Variants in DFFB observed in about 807,000 individuals in gnomAD.
The protein encoded by DFFB is DNA fragmentation factor subunit beta.
A neutral mutation model predicts 32.7 loss-of-function variants in DFFB; 29 were observed. That is an observed-to-expected ratio of 0.89 (90% CI 0.66 to 1.21). The LOEUF (loss-of-function observed/expected upper bound fraction) is 1.21. DFFB is among the 50% of genes most tolerant of loss of function. The pLI, the probability that DFFB is intolerant of heterozygous loss-of-function variation, is 0.00. For missense variants in DFFB, 398 were observed against 440.6 expected (o/e 0.90, Z 0.87); for synonymous variants, 170 against 177.1 (o/e 0.96, Z 0.32).
At position 3,883,748 on chromosome 1, in the gene DFFB, C is replaced by T. The variant is rs375303772; in HGVS notation, c.*7C>T. Reference sequence around the variant, plus strand: ...TGTGCGGAAACGCCAGTGACACGTACACACCACGTCCTGGTCTTTGTTTGA... The same window carrying T: ...TGTGCGGAAACGCCAGTGACACGTATACACCACGTCCTGGTCTTTGTTTGA... On this transcript the variant is annotated 3_prime_UTR_variant, in exon 7 of 7. Coordinates refer to ENST00000378209, the MANE Select transcript of DFFB (RefSeq NM_004402.4). The T allele has an allele frequency of 2.5e-6, 4 of 1,611,626 alleles. No homozygotes were observed. Among genetic ancestry groups the T allele is most frequent in the Non-Finnish European group, 3.4e-6 (4 of 1,177,888 alleles).
chr1:3,873,061 C>T (rs908303996), intron 6 of DFFB: 2 of 1,098,286 alleles, frequency 1.8e-6, no homozygotes, highest in Middle Eastern at 3.2e-4. Context: ...GTGGCAGGAT[C>T]ATGGCTCACT....
chr1:3,880,474 C>T lies in DFFB; in HGVS notation c.783-3033C>T, dbSNP rs183479354. Among the ~76,000 whole-genome samples, 33 of 152,336 alleles carry T rather than the reference C, an allele frequency of 2.2e-4. No individual in the cohort carries two copies. The East Asian group carries it at 6.4e-3, about 29-fold the overall frequency. On this transcript the variant is annotated intron_variant, in intron 6 of 6. Coordinates refer to ENST00000378209, the MANE Select transcript of DFFB (RefSeq NM_004402.4). Reference sequence around the variant, plus strand: ...AGGTGGTCTCAGGGACCCCTCCCTGCTGTAGTTGGTGTCAGGAGTGAGGGT... The same window carrying T: ...AGGTGGTCTCAGGGACCCCTCCCTGTTGTAGTTGGTGTCAGGAGTGAGGGT...
chr1:3,878,209 T>G (rs1002329449), intron 6 of DFFB, among the ~76,000 whole-genome samples: 1 of 151,506 alleles, frequency 6.6e-6, no homozygotes, highest in Non-Finnish European at 1.5e-5. Context: ...TGGAGTCCAG[T>G]GGCGCAATCT....
Position 3,865,505 on chromosome 1 carries a change from A to G in DFFB, c.242-307A>G, listed in dbSNP as rs2124734892. 1 of 524,686 alleles carries G rather than the reference A, an allele frequency of 1.9e-6. No individual in the cohort carries two copies. The highest frequency in any genetic ancestry group is 3.5e-5 in the East Asian group (1 of 28,828). 32.5% of individuals were successfully genotyped at this position (524,686 alleles called of 1,614,324 possible). A position where few individuals can be genotyped will look rare whatever the true frequency, so the allele number is the denominator to read the frequency against. ...AAGCAAGGTCTCCAGGAAGGGCCAAAGTGGGGGGCGTATGGTTTGGAGGGG... is the reference window on the plus strand; with the variant it reads ...AAGCAAGGTCTCCAGGAAGGGCCAAGGTGGGGGGCGTATGGTTTGGAGGGG... On this transcript the variant is annotated intron_variant, in intron 2 of 6. Transcript: ENST00000378209. This position sits in a 1 kb window ranked among gnomAD's most constrained non-coding sequence, Gnocchi z 4.7.
chr1:3,858,733 T>C lies in DFFB; in HGVS notation c.130T>C (p.Ser44Pro), dbSNP rs1644814276. The C allele has an allele frequency of 1.2e-6, 2 of 1,614,112 alleles. No individual in the cohort carries two copies. The highest frequency in any genetic ancestry group is 8.5e-7 in the Non-Finnish European group (1 of 1,180,044). Residue 44 changes from serine to proline, a missense_variant, in exon 2 of 7, where the codon TCC becomes CCC. Ser to Pro is a moderately conservative substitution (Grantham distance 74). Coordinates refer to ENST00000378209, the MANE Select transcript of DFFB (RefSeq NM_004402.4). Reference sequence around the variant, plus strand: ...GTCCCTGCAGCTCCCTGAGCGCGGTTCCCGGCTGTGCCTGTACGAGGATGG... The same window carrying C: ...GTCCCTGCAGCTCCCTGAGCGCGGTCCCCGGCTGTGCCTGTACGAGGATGG... ...CLRFQLPERG[S>P]RLCLYEDGTE...
intron 6 of DFFB, among the ~76,000 whole-genome samples, chr1:3,882,138 C>G (rs1314616659): frequency 6.6e-6 from 1 of 152,184 alleles, no homozygotes; most frequent in African/African-American, 2.4e-5. Context: ...CAACCTCCGC[C>G]TCCTGGGTTC....
intron 2 of DFFB, among the ~76,000 whole-genome samples, chr1:3,861,320 C>T (rs1644876677): frequency 6.6e-6 from 1 of 152,048 alleles, no homozygotes; most frequent in African/African-American, 2.4e-5. Context: ...TTTGGTTTTA[C>T]CACAGTTTGT....
At chr1:3,877,328 G>T (rs1366722982) in intron 6 of DFFB, among the ~76,000 whole-genome samples, 9 of 113,888 alleles carry the variant, frequency 7.9e-5, no homozygotes, top group South Asian at 2.9e-4. Flanking sequence ...TGGGAGTTCA[G>T]TTTTTTTTTT....
chr1:3,878,104 T>C (rs1446713385), intron 6 of DFFB, among the ~76,000 whole-genome samples: 3 of 151,996 alleles, frequency 2.0e-5, no homozygotes, highest in Admixed American at 2.0e-4. Flanking sequence ...GTGTCCCCAG[T>C]GTGTGGGACG....
At chr1:3,878,685 T>C (rs1366600564) in intron 6 of DFFB, among the ~76,000 whole-genome samples, 1 of 152,244 alleles carries the variant, frequency 6.6e-6, no homozygotes, top group Non-Finnish European at 1.5e-5. Flanking sequence ...GCACTGCTGC[T>C]GTCCCCTCTC....
At chr1:3,878,101 C>T (rs1189927621) in intron 6 of DFFB, among the ~76,000 whole-genome samples, 1 of 152,046 alleles carries the variant, frequency 6.6e-6, no homozygotes, top group Non-Finnish European at 1.5e-5. Flanking sequence ...GCTGTGTCCC[C>T]AGTGTGTGGG....
chr1:3,876,781 T>C (rs755634298), intron 6 of DFFB, among the ~76,000 whole-genome samples: 3 of 152,208 alleles, frequency 2.0e-5, no homozygotes, highest in Non-Finnish European at 4.4e-5. Flanking sequence ...CCACCCTTAG[T>C]GCCACCTCAC....
At chr1:3,861,294 G>A (rs1644876218) in intron 2 of DFFB, among the ~76,000 whole-genome samples, 1 of 152,076 alleles carries the variant, frequency 6.6e-6, no homozygotes, top group Non-Finnish European at 1.5e-5. Context: ...TTTCATTGCT[G>A]AGTAGCATTC....
At chr1:3,875,197 A>G (rs1315745227) in intron 6 of DFFB, among the ~76,000 whole-genome samples, 4 of 152,254 alleles carry the variant, frequency 2.6e-5, no homozygotes. Context: ...TCTCATCATT[A>G]TAAAAATCCC....
chr1:3,859,001 G>A (rs1375870858), intron 2 of DFFB, 157 bp downstream of exon 2: 8 of 1,064,954 alleles, frequency 7.5e-6, no homozygotes, highest in African/African-American at 1.6e-5. Flanking sequence ...ACTGGTCAGC[G>A]TCGCTTAGGT....
intron 6 of DFFB, among the ~76,000 whole-genome samples, chr1:3,873,872 C>T (rs1645168403): frequency 6.6e-6 from 1 of 152,166 alleles, no homozygotes; most frequent in South Asian, 2.1e-4. Flanking sequence ...CACTTCTGGT[C>T]CCCAGCATTT....
chr1:3,881,646 G>GTCGGGAGGCCAAGA (rs908447896), intron 6 of DFFB, among the ~76,000 whole-genome samples: 17 of 152,328 alleles, frequency 1.1e-4, no homozygotes, highest in African/African-American at 4.1e-4. Context: ...GGAGGCCAAG[G>GTCGGGAGGCCAAGA]TCAGGAGTTC....
chr1:3,858,212 G>A lies in DFFB; in HGVS notation c.114+495G>A, dbSNP rs186701451. The stretch of plus-strand genomic sequence containing the variant: ...TTGCCGGGGTCGGTGCGGGTGGGGT[G>A]GGAGTAGCCATAAAATGCCTAAAAC... On this transcript the variant is annotated intron_variant, in intron 1 of 6. Transcript: ENST00000378209. 3.7e-3 allele frequency among the ~76,000 whole-genome samples: 556 copies of A among 152,328 alleles called. 2 individuals are homozygous for A. The highest frequency in any genetic ancestry group is 5.9e-3 in the Admixed American group (91 of 15,304).
rs371250222 is a variant in DFFB, at chr1:3,870,032, C to T, written c.681+257C>T. Among the ~76,000 whole-genome samples the T allele has an allele frequency of 2.8e-3, 434 of 152,336 alleles. 11 individuals are homozygous for T. The South Asian group carries it at 0.047, about 16-fold the overall frequency. The stretch of plus-strand genomic sequence containing the variant: ...CAGGGCTTGTCTCGGTAGTGCTGGG[C>T]GGTGTCTTAGTCAGCCCCGGCTGCC... On this transcript the variant is annotated intron_variant, in intron 5 of 6. Coordinates refer to ENST00000378209, the MANE Select transcript of DFFB (RefSeq NM_004402.4).
Sources: gnomAD v4.1 joint callset for allele counts (sites outside exome capture counted in the v4.1 genomes callset) on GRCh38, gnomAD v4.1.1 for gene constraint, Gnocchi (gnomAD v3.1) non-coding constraint, MANE v1.5 for transcripts, NCBI Gene and HGNC (gene_info 2026-07-23, HGNC 2026-07-21) for gene names.